Variants in STXBP5L observed in about 807,000 individuals in gnomAD.
STXBP5L encodes the protein syntaxin-binding protein 5-like.
Under a neutral mutation model 144.5 loss-of-function variants are expected in STXBP5L, and 65 were observed. That is an observed-to-expected ratio of 0.45 (90% CI 0.37 to 0.55). STXBP5L has a LOEUF of 0.55. STXBP5L is among the 20% of genes least tolerant of loss of function. The pLI is 0.00. For synonymous variants in STXBP5L, 505 were observed against 469.6 expected, an observed-to-expected ratio of 1.08 and a Z score of -0.97; for missense variants, 1,298 against 1,405.5, an observed-to-expected ratio of 0.92 and a Z score of 1.22.
intron 3 of STXBP5L, among the ~76,000 whole-genome samples, chr3:120,979,730 T>C (rs746592606): frequency 6.6e-6 from 1 of 152,162 alleles, no homozygotes; most frequent in Non-Finnish European, 1.5e-5. Flanking sequence ...TTGGTCTCAG[T>C]TTCATTTAGT....
chr3:121,324,110 A>T lies in STXBP5L; in HGVS notation c.2176+5570A>T, dbSNP rs530822413. On this transcript the variant is annotated intron_variant, in intron 20 of 26. Transcript: ENST00000471454. ...CAATCTACAACACATTTATTATGCT[A>T]TCAAGTTCAAATGAAGGCTAGGATG... Among the ~76,000 whole-genome samples the T allele has an allele frequency of 4.6e-5, 7 of 152,262 alleles. No individual in the cohort carries two copies. In the South Asian group the frequency reaches 1.2e-3, roughly 27 times the overall value.
chr3:121,070,446 G>T (rs1019380274), intron 5 of STXBP5L, among the ~76,000 whole-genome samples: 1 of 152,176 alleles, frequency 6.6e-6, no homozygotes, highest in South Asian at 2.1e-4. Context: ...GAGTGTAAGG[G>T]GGGTGTCACA....
chr3:121,155,494 A>G (rs1387129483), intron 8 of STXBP5L, among the ~76,000 whole-genome samples: 3 of 151,878 alleles, frequency 2.0e-5, no homozygotes, highest in African/African-American at 4.8e-5. Flanking sequence ...CATGTGTTCA[A>G]GAAACTCAGT....
At chr3:121,287,821 T>A (rs541411412) in intron 19 of STXBP5L, among the ~76,000 whole-genome samples, 110 of 149,980 alleles carry the variant, frequency 7.3e-4, no homozygotes, top group African/African-American at 2.7e-3. Flanking sequence ...AGAGCGAGAC[T>A]CCATCTCAAA....
At chr3:121,388,567 A>G (rs564076992) in intron 22 of STXBP5L, among the ~76,000 whole-genome samples, 30 of 152,292 alleles carry the variant, frequency 2.0e-4, no homozygotes, top group Non-Finnish European at 2.9e-5. Flanking sequence ...GATATGTTCC[A>G]TCAATACCTA....
intron 2 of STXBP5L, among the ~76,000 whole-genome samples, chr3:120,935,567 AT>A (rs1264539204): frequency 6.6e-6 from 1 of 151,720 alleles, no homozygotes; most frequent in African/African-American, 2.4e-5. Flanking sequence ...CTGGTGACAA[AT>A]TCCCTCAATT....
Position 121,419,751 on chromosome 3 carries a change from A to T in STXBP5L, c.*654A>T, listed in dbSNP as rs1401302054. 1 of 152,214 alleles carries T rather than the reference A, an allele frequency of 6.6e-6. No homozygotes were observed. The highest frequency in any genetic ancestry group is 2.4e-5 in the African/African-American group (1 of 41,468). 9.4% of individuals were successfully genotyped at this position (152,214 alleles called of 1,614,324 possible). A position where few individuals can be genotyped will look rare whatever the true frequency, so the allele number is the denominator to read the frequency against. On this transcript the variant is annotated 3_prime_UTR_variant, in exon 27 of 27. Coordinates refer to ENST00000471454, the MANE Select transcript of STXBP5L (RefSeq NM_001308330.2). ...TCTCTCCATGTTTTACATCATTCACAGTTGTGTCAAAATCAAATATTGCCA... is the reference window on the plus strand; with the variant it reads ...TCTCTCCATGTTTTACATCATTCACTGTTGTGTCAAAATCAAATATTGCCA...
intron 2 of STXBP5L, among the ~76,000 whole-genome samples, chr3:120,954,178 A>G (rs771132842): frequency 3.3e-5 from 5 of 152,136 alleles, no homozygotes; most frequent in African/African-American, 1.2e-4. Context: ...CGTATACATA[A>G]CATTGAATAG....
intron 23 of STXBP5L, among the ~76,000 whole-genome samples, chr3:121,408,005 A>G (rs1002387241): frequency 3.3e-5 from 5 of 152,034 alleles, no homozygotes; most frequent in African/African-American, 4.8e-5. Context: ...ACTTCACCCA[A>G]GAAATTTACA....
chr3:120,912,480 A>T (rs914386125), intron 2 of STXBP5L, among the ~76,000 whole-genome samples: 1 of 151,918 alleles, frequency 6.6e-6, no homozygotes, highest in Non-Finnish European at 1.5e-5. Context: ...TTATTGTGTA[A>T]TATCGCCCAT....
chr3:120,939,355 A>G (rs922718299), intron 2 of STXBP5L, among the ~76,000 whole-genome samples: 2 of 152,172 alleles, frequency 1.3e-5, no homozygotes, highest in Non-Finnish European at 2.9e-5. Context: ...AAAGAAAGAC[A>G]TGGACTATAT....
chr3:121,053,665 G>A (rs947667338), intron 5 of STXBP5L, among the ~76,000 whole-genome samples: 6 of 152,116 alleles, frequency 3.9e-5, no homozygotes, highest in African/African-American at 1.4e-4. Flanking sequence ...TACCATTCAG[G>A]ACATAGGCAT....
intron 3 of STXBP5L, among the ~76,000 whole-genome samples, chr3:121,002,375 T>C (rs185156355): frequency 3.3e-5 from 5 of 152,290 alleles, no homozygotes; most frequent in Admixed American, 3.3e-4. Flanking sequence ...TCTATTCAGG[T>C]CATTTGCCCA....
intron 5 of STXBP5L, among the ~76,000 whole-genome samples, chr3:121,104,750 A>G (rs1368626034): frequency 6.6e-6 from 1 of 152,220 alleles, no homozygotes; most frequent in Non-Finnish European, 1.5e-5. Context: ...TCAACTCAAG[A>G]TGGATCAAAG....
intron 5 of STXBP5L, among the ~76,000 whole-genome samples, chr3:121,052,616 A>G (rs28850644): frequency 0.099 from 15,078 of 152,170 alleles, 1,171 homozygotes; most frequent in Admixed American, 0.2. Flanking sequence ...AGAGCTATCT[A>G]TGACAAACCC....
Position 121,279,926 on chromosome 3 carries a change from TCTC to T in STXBP5L, c.2084_2086del (p.Pro695del), listed in dbSNP as rs1250685490. On this transcript the variant is annotated inframe_deletion, in exon 19 of 27. Transcript: ENST00000471454. ...TGACTTATACCAGCGACAACCACGGTCTCCTCGAAAAAACAAACAGTTCATTGC... is the reference window on the plus strand; with the variant it reads ...TGACTTATACCAGCGACAACCACGGTCTCGAAAAAACAAACAGTTCATTGC... 1 of 1,612,032 alleles carries T rather than the reference TCTC, an allele frequency of 6.2e-7. No homozygotes were observed. The highest frequency in any genetic ancestry group is 2.2e-5 in the East Asian group (1 of 44,824).
chr3:121,007,077 C>T (rs1008275367), intron 3 of STXBP5L, among the ~76,000 whole-genome samples: 1 of 152,076 alleles, frequency 6.6e-6, no homozygotes, highest in Non-Finnish European at 1.5e-5. Flanking sequence ...TCTGTATTTC[C>T]TGAATTTGAA....
chr3:120,979,191 G>T (rs188261717), intron 3 of STXBP5L, among the ~76,000 whole-genome samples: 2,103 of 152,300 alleles, frequency 0.014, 49 homozygotes, highest in African/African-American at 0.048. Context: ...GAGCTGTGGT[G>T]GGCTTCCCCC....
chr3:121,194,029 T>C (rs1373961949), intron 9 of STXBP5L, among the ~76,000 whole-genome samples: 1 of 152,134 alleles, frequency 6.6e-6, no homozygotes, highest in East Asian at 1.9e-4. Context: ...AAATGTTTTA[T>C]TGAAATAAAA....
Sources: gnomAD v4.1 joint callset for allele counts (sites outside exome capture counted in the v4.1 genomes callset) on GRCh38, gnomAD v4.1.1 for gene constraint, MANE v1.5 for transcripts, NCBI Gene and HGNC (gene_info 2026-07-23, HGNC 2026-07-21) for gene names.